OPA1: variants seen among roughly 807,000 people sequenced by gnomAD.
OPA1 encodes dynamin-like GTPase OPA1, mitochondrial.
Under a neutral mutation model 152.9 loss-of-function variants are expected in OPA1, and 59 were observed. That is an observed-to-expected ratio of 0.39 (90% CI 0.31 to 0.48). OPA1 has a LOEUF of 0.48. Among genes scored for constraint, OPA1 ranks in the 20% least tolerant of loss-of-function variants. The probability of loss-of-function intolerance (pLI) is 0.96; values close to 1 mark genes in which losing one functional copy is unlikely to be tolerated. For synonymous variants in OPA1, 400 were observed against 389.9 expected (o/e 1.03, Z -0.31); for missense variants, 1,008 against 1,216.8 (o/e 0.83, Z 2.55).
At position 193,696,686 on chromosome 3, in the gene OPA1, AAG is replaced by A. The variant is rs1043359361; in HGVS notation, c.*2088_*2089del. ...CAGAAATGATTCTAATTTAAACAAA[AAG>A]ATACTAAATATACAGAAGTTAAATT... On this transcript the variant is annotated 3_prime_UTR_variant, in exon 31 of 31. Transcript: ENST00000361510. 24 of 152,242 alleles carry A rather than the reference AAG, an allele frequency of 1.6e-4. No homozygotes were observed. Among genetic ancestry groups the A allele is most frequent in the African/African-American group, 5.8e-4 (24 of 41,462 alleles). The allele number at this position is 152,242 out of a possible 1,614,324, so 9.4% of individuals were successfully genotyped here. A position where few individuals can be genotyped will look rare whatever the true frequency, so the allele number is the denominator to read the frequency against.
chr3:193,595,280 A>G (rs530765139), intron 1 of OPA1, among the ~76,000 whole-genome samples: 4 of 152,382 alleles, frequency 2.6e-5, no homozygotes, highest in African/African-American at 4.8e-5. Context: ...ATATGTAAAT[A>G]CATGCTCATG....
chr3:193,643,184 T>C, intron 13 of OPA1, 135 bp downstream of exon 13: 6 of 912,364 alleles, frequency 6.6e-6, no homozygotes, highest in Non-Finnish European at 1.0e-5. Context: ...AAAATCCAAA[T>C]AATATATCAT....
chr3:193,680,447 A>G (rs1719952177), intron 29 of OPA1, among the ~76,000 whole-genome samples: 1 of 152,214 alleles, frequency 6.6e-6, no homozygotes, highest in Non-Finnish European at 1.5e-5. Flanking sequence ...TTATGCTGGG[A>G]ACATGCATAC....
intron 29 of OPA1, 162 bp downstream of exon 29, chr3:193,667,442 G>GGGT: frequency 1.5e-6 from 1 of 668,602 alleles, no homozygotes. Flanking sequence ...AGGCCAAGAT[G>GGGT]GGTGGAAAAC....
chr3:193,617,595 A>G (rs1729254109), intron 4 of OPA1, among the ~76,000 whole-genome samples, 189 bp from the exon 5 acceptor site: 1 of 152,206 alleles, frequency 6.6e-6, no homozygotes, highest in Non-Finnish European at 1.5e-5. Flanking sequence ...TGGTTGGACC[A>G]ATTTGGTGGT....
rs60471435 is a variant in OPA1 at position 193,686,045 on chromosome 3, T to TA, written c.2984-6010dup. Among the ~76,000 whole-genome samples the TA allele has an allele frequency of 1.8e-3, 275 of 152,258 alleles. 1 individual carries two copies. The highest frequency in any genetic ancestry group is 3.0e-3 in the Non-Finnish European group (205 of 68,006). On this transcript the variant is annotated intron_variant, in intron 29 of 30. Transcript: ENST00000361510. ...TTAAAGGTGTTAGACTAGGGATTCTTAAAAAAAATTTTCATCAAATGTTTC... is the reference window on the plus strand; with the variant it reads ...TTAAAGGTGTTAGACTAGGGATTCTTAAAAAAAAATTTTCATCAAATGTTTC...
rs1324985380 is a variant in OPA1, at chr3:193,665,101, C to G, written c.2778+105C>G. On this transcript the variant is annotated intron_variant, in intron 27 of 30. Coordinates refer to ENST00000361510, the MANE Select transcript of OPA1 (RefSeq NM_130837.3). ...CATTAATTTTAAGTCCTTTGATCAT[C>G]TGGGGAAAAAAAGTATGTGTAATTT... The G allele has an allele frequency of 7.8e-5, 54 of 692,544 alleles. 1 individual carries two copies. In the South Asian group the frequency reaches 7.8e-4, roughly 10 times the overall value. 42.9% of individuals were successfully genotyped at this position (692,544 alleles called of 1,614,324 possible). A position where few individuals can be genotyped will look rare whatever the true frequency, so the allele number is the denominator to read the frequency against.
chr3:193,676,959 T>A (rs188708922), intron 29 of OPA1, among the ~76,000 whole-genome samples: 15 of 120,118 alleles, frequency 1.2e-4, no homozygotes, highest in East Asian at 2.4e-4. Context: ...CCAGCCTGGG[T>A]GACAGAGCAA....
At chr3:193,670,092 A>T (rs571795169) in intron 29 of OPA1, among the ~76,000 whole-genome samples, 1 of 152,276 alleles carries the variant, frequency 6.6e-6, no homozygotes, top group African/African-American at 2.4e-5. Flanking sequence ...GTTACTGTTT[A>T]TCTTTGGTCT....
At chr3:193,645,868 C>A in intron 18 of OPA1, 68 bp downstream of exon 18, 2 of 1,209,986 alleles carry the variant, frequency 1.7e-6, no homozygotes, top group Non-Finnish European at 2.4e-6. Flanking sequence ...ACTGTTTTCA[C>A]TTAAAACATC....
At chr3:193,611,001 C>T (rs578095160) in intron 1 of OPA1, among the ~76,000 whole-genome samples, 4 of 152,334 alleles carry the variant, frequency 2.6e-5, no homozygotes, top group South Asian at 2.1e-4. Flanking sequence ...GGCGATGCCT[C>T]GCCCTGCTTT....
intron 8 of OPA1, among the ~76,000 whole-genome samples, chr3:193,633,426 C>T (rs570368637): frequency 1.8e-4 from 27 of 152,240 alleles, no homozygotes; most frequent in South Asian, 4.1e-4. Context: ...AATGTAGACC[C>T]CAAAATTGAT....
chr3:193,673,414 A>G (rs1056018246), intron 29 of OPA1, among the ~76,000 whole-genome samples: 5 of 152,232 alleles, frequency 3.3e-5, no homozygotes, highest in African/African-American at 1.2e-4. Context: ...TGAACAGTAC[A>G]GTGTGCATGA....
chr3:193,596,973 G>C (rs900531476), intron 1 of OPA1: 4 of 152,216 alleles, frequency 2.6e-5, no homozygotes, highest in Non-Finnish European at 5.9e-5. Context: ...GATCAAATAA[G>C]TCTTTATGAT....
chr3:193,624,747 C>A (rs755055253), intron 6 of OPA1, among the ~76,000 whole-genome samples: 1 of 152,006 alleles, frequency 6.6e-6, no homozygotes, highest in Non-Finnish European at 1.5e-5. Context: ...AATAAATCAA[C>A]CACTTTCATT....
chr3:193,593,349 G>C lies in OPA1; in HGVS notation c.-29G>C. The C allele has an allele frequency of 6.5e-7, 1 of 1,541,308 alleles. No individual in the cohort carries two copies. The highest frequency in any genetic ancestry group is 8.8e-7 in the Non-Finnish European group (1 of 1,142,274). Reference sequence around the variant, plus strand: ...ACGGGGGCTCCCGCGTGGCCGTCTCGGCGCCTGCGTGACCTCCCCGCCGGC... The same window carrying C: ...ACGGGGGCTCCCGCGTGGCCGTCTCCGCGCCTGCGTGACCTCCCCGCCGGC... On this transcript the variant is annotated 5_prime_UTR_variant, in exon 1 of 31. Coordinates refer to ENST00000361510, the MANE Select transcript of OPA1 (RefSeq NM_130837.3).
chr3:193,604,653 G>A (rs1035032334), intron 1 of OPA1, among the ~76,000 whole-genome samples: 8 of 152,012 alleles, frequency 5.3e-5, no homozygotes, highest in Non-Finnish European at 1.0e-4. Context: ...CTGAGGTCGG[G>A]AGTTCAAGGA....
At chr3:193,673,539 T>G (rs796746968) in intron 29 of OPA1, among the ~76,000 whole-genome samples, 13 of 152,302 alleles carry the variant, frequency 8.5e-5, no homozygotes, top group African/African-American at 3.1e-4. Flanking sequence ...TGCCCCATAT[T>G]TAGAGTTTTT....
In OPA1 at chr3:193,599,821, G is replaced by A. The variant is rs550096965; in HGVS notation, c.32+6412G>A. On this transcript the variant is annotated intron_variant, in intron 1 of 30. Coordinates refer to ENST00000361510, the MANE Select transcript of OPA1 (RefSeq NM_130837.3). Reference sequence around the variant, plus strand: ...AAATTGGGCAGTCTCCAGAATCACCGCAGATTCAGAGAGACTCCAGGGGTG... The same window carrying A: ...AAATTGGGCAGTCTCCAGAATCACCACAGATTCAGAGAGACTCCAGGGGTG... Among the ~76,000 whole-genome samples the A allele has an allele frequency of 3.0e-4, 46 of 152,296 alleles. No homozygotes were observed. In the South Asian group the frequency reaches 9.5e-3, roughly 32 times the overall value.
Sources: gnomAD v4.1 joint callset for allele counts (sites outside exome capture counted in the v4.1 genomes callset) on GRCh38, gnomAD v4.1.1 for gene constraint, MANE v1.5 for transcripts, NCBI Gene and HGNC (gene_info 2026-07-23, HGNC 2026-07-21) for gene names.